The following TCF4 variants were observed in gnomAD, a reference collection of about 807,000 sequenced individuals.
TCF4 encodes SL3-3 enhancer factor 2.
Under a neutral mutation model 82.1 loss-of-function variants are expected in TCF4, and 3 were observed. That is an observed-to-expected ratio of 0.04 (90% CI 0.02 to 0.09). TCF4 has a LOEUF of 0.09. Ranked by LOEUF, TCF4 falls within the 10% of genes least tolerant of loss-of-function variation. The pLI, the probability that TCF4 is intolerant of heterozygous loss-of-function variation, is 1.00. For synonymous variants in TCF4, 276 were observed against 309.6 expected (o/e 0.89, Z 1.14); for missense variants, 518 against 852.7 (o/e 0.61, Z 4.89).
Position 55,357,937 on chromosome 18 carries a change from T to C in TCF4, c.370-6934A>G, listed in dbSNP as rs934492714. Among the ~76,000 whole-genome samples the C allele has an allele frequency of 4.6e-5, 7 of 152,206 alleles. No individual in the cohort carries two copies. In the South Asian group the frequency reaches 6.2e-4, roughly 13 times the overall value. On this transcript the variant is annotated intron_variant, in intron 6 of 19. Transcript: ENST00000354452. ...CGGAAATTGAGATTATCTGGAGAAGTAGTAAATGCTCAATGTAATCTTCAA... is the reference window on the plus strand; with the variant it reads ...CGGAAATTGAGATTATCTGGAGAAGCAGTAAATGCTCAATGTAATCTTCAA...
intron 3 of TCF4, among the ~76,000 whole-genome samples, chr18:55,466,257 A>T (rs981187464): frequency 2.6e-5 from 4 of 152,144 alleles, no homozygotes; most frequent in African/African-American, 9.7e-5. Context: ...GCACGTTGGG[A>T]GGCTGAAGCA....
In TCF4 at chr18:55,257,348, C is replaced by T. The variant is rs148308964; in HGVS notation, c.1113G>A (p.Ser371=). 58 of 1,613,556 alleles carry T rather than the reference C, an allele frequency of 3.6e-5. No individual in the cohort carries two copies. Among genetic ancestry groups the T allele is most frequent in the East Asian group, 2.7e-4 (12 of 44,878 alleles). ...GTAAGGGTCCTTCATAATTAGGAGA[C>T]GATGAGGCCTGTCCTCCATTTCTAG... is the stretch of plus-strand genomic sequence containing the variant. The part of the protein sequence containing the change: ...VWSRNGGQAS[S]SPNYEGPLHS... Residue 371 remains serine, a synonymous_variant, in exon 14 of 20, where the codon TCG becomes TCA. Coordinates refer to ENST00000354452, the MANE Select transcript of TCF4 (RefSeq NM_001083962.2).
chr18:55,553,477 A>G (rs1555752090), intron 3 of TCF4: 1 of 152,196 alleles, frequency 6.6e-6, no homozygotes, highest in Non-Finnish European at 1.5e-5. Context: ...AACATCAAAC[A>G]TACGTCATCC....
Position 55,228,428 on chromosome 18 carries a change from C to T in TCF4, c.1880-67G>A, listed in dbSNP as rs1359491811. 23 of 1,595,136 alleles carry T rather than the reference C, an allele frequency of 1.4e-5. No individual in the cohort carries two copies. In the East Asian group the frequency reaches 4.7e-4, roughly 32 times the overall value. On this transcript the variant is annotated intron_variant, in intron 18 of 19. Coordinates refer to ENST00000354452, the MANE Select transcript of TCF4 (RefSeq NM_001083962.2). ...GCTTCTGGCAGAGGGCAGCAATGCA[C>T]TCTTCTTGCGTGTCTGACCTTTTTC...
Position 55,383,150 on chromosome 18 carries a change from C to T in TCF4, c.369+20304G>A, listed in dbSNP as rs1384479370. ...CAACCAGTTTAATGACGCTACCTTT[C>T]GCCAATACTATTCCTCAAATAAGCC... is the stretch of plus-strand genomic sequence containing the variant. On this transcript the variant is annotated intron_variant, in intron 6 of 19. Transcript: ENST00000354452. Among the ~76,000 whole-genome samples, 6 of 152,204 alleles carry T rather than the reference C, an allele frequency of 3.9e-5. 1 individual carries two copies. In the South Asian group the frequency reaches 6.2e-4, roughly 16 times the overall value.
intron 17 of TCF4, chr18:55,229,896 G>A (rs1264404016): frequency 2.6e-5 from 4 of 152,220 alleles, no homozygotes; most frequent in African/African-American, 9.7e-5. Flanking sequence ...CTCATTGTGA[G>A]TCAAAAATGA....
chr18:55,513,069 T>G (rs1489044294), intron 3 of TCF4, among the ~76,000 whole-genome samples: 1 of 152,158 alleles, frequency 6.6e-6, no homozygotes, highest in Non-Finnish European at 1.5e-5. Context: ...AGGGGCACCA[T>G]CTTTTGGATT....
intron 2 of TCF4, among the ~76,000 whole-genome samples, chr18:55,604,051 T>A (rs1274340713): frequency 6.6e-6 from 1 of 152,164 alleles, no homozygotes; most frequent in African/African-American, 2.4e-5. Flanking sequence ...TAACTGTCAC[T>A]GGCACATAGA....
chr18:55,466,927 G>A (rs1164629239), intron 3 of TCF4, among the ~76,000 whole-genome samples: 2 of 152,136 alleles, frequency 1.3e-5, no homozygotes, highest in Non-Finnish European at 2.9e-5. Flanking sequence ...AATCGGATCT[G>A]ACTGCTCTTT....
chr18:55,422,498 A>G, intron 5 of TCF4: 1 of 964,038 alleles, frequency 1.0e-6, no homozygotes, highest in Non-Finnish European at 1.2e-6. Flanking sequence ...CCTATTATTA[A>G]AAAAAAGAGA....
rs773695329 is a variant in TCF4 at position 55,448,534 on chromosome 18, T to A, written c.304+12485A>T. On this transcript the variant is annotated intron_variant, in intron 5 of 19. Coordinates refer to ENST00000354452, the MANE Select transcript of TCF4 (RefSeq NM_001083962.2). ...CCATATGTACACTTTACAGTGTTAATGTAGACCCACTGCCTACACAAACCA... is the reference window on the plus strand; with the variant it reads ...CCATATGTACACTTTACAGTGTTAAAGTAGACCCACTGCCTACACAAACCA... 2.0e-5 allele frequency among the ~76,000 whole-genome samples: 3 copies of A among 152,248 alleles called. No homozygotes were observed. In the South Asian group the frequency reaches 6.2e-4, roughly 32 times the overall value.
At chr18:55,374,871 TAAAAAAAAAA>T (rs5825137) in intron 6 of TCF4, among the ~76,000 whole-genome samples, 1 of 67,146 alleles carries the variant, frequency 1.5e-5, no homozygotes, top group African/African-American at 5.7e-5. Context: ...AGGCCCTGTC[TAAAAAAAAAA>T]AAAAAAAAAA....
intron 11 of TCF4, among the ~76,000 whole-genome samples, chr18:55,264,013 T>A (rs937734942): frequency 1.3e-5 from 2 of 152,094 alleles, no homozygotes; most frequent in East Asian, 1.9e-4. Context: ...ATATATATAT[T>A]TTTATGAAAC....
At chr18:55,602,522 A>C (rs1170140151) in intron 2 of TCF4, among the ~76,000 whole-genome samples, 2 of 152,230 alleles carry the variant, frequency 1.3e-5, no homozygotes, top group African/African-American at 2.4e-5. Flanking sequence ...CCTCAAAATT[A>C]AAGTGATTAT....
At chr18:55,605,381 C>T (rs759219006) in intron 2 of TCF4, among the ~76,000 whole-genome samples, 3 of 152,088 alleles carry the variant, frequency 2.0e-5, no homozygotes, top group South Asian at 2.1e-4. Flanking sequence ...AAATTCCATC[C>T]GATGGTGTGA....
upstream of TCF4, among the ~76,000 whole-genome samples, chr18:55,592,882 A>G (rs1228561141): frequency 6.6e-6 from 1 of 152,150 alleles, no homozygotes; most frequent in Non-Finnish European, 1.5e-5. Context: ...AAAAGCAGAC[A>G]AACAATTAAG....
chr18:55,442,599 T>C (rs534395536), intron 5 of TCF4, among the ~76,000 whole-genome samples: 3 of 152,116 alleles, frequency 2.0e-5, no homozygotes, highest in Admixed American at 6.5e-5. Context: ...AAATAACACA[T>C]AGGAAGTCAG....
exon 2 of TCF4, chr18:55,631,302 G>A (rs1292326365): frequency 6.9e-7 from 1 of 1,446,638 alleles, no homozygotes; most frequent in Admixed American, 2.0e-5. Context: ...ACCTACCTTG[G>A]CCTCCCAAAG....
At chr18:55,230,332 G>A (rs573686390) in intron 17 of TCF4, 2 of 152,332 alleles carry the variant, frequency 1.3e-5, no homozygotes, top group East Asian at 3.9e-4. Context: ...AGAGGATGAT[G>A]AGCCACCTGG....
Sources: gnomAD v4.1 joint callset for allele counts (sites outside exome capture counted in the v4.1 genomes callset) on GRCh38, gnomAD v4.1.1 for gene constraint, MANE v1.5 for transcripts, NCBI Gene and HGNC (gene_info 2026-07-23, HGNC 2026-07-21) for gene names.